Variants in RBFOX3 observed in about 807,000 individuals in gnomAD.
RBFOX3 encodes RNA binding protein fox-1 homolog 3.
RBFOX3 carries 17 observed loss-of-function variants against 48.7 expected under a neutral mutation model. The observed-to-expected ratio is 0.35, with a 90% confidence interval of 0.24 to 0.52. The LOEUF (loss-of-function observed/expected upper bound fraction) is 0.52, where lower values mean the gene tolerates loss of function less well. Ranked by LOEUF, RBFOX3 falls within the 20% of genes least tolerant of loss-of-function variation. RBFOX3 has a pLI of 0.94. For missense variants in RBFOX3, 382 were observed against 497.5 expected (o/e 0.77, Z 2.21); for synonymous variants, 212 against 209.5 (o/e 1.01, Z -0.10).
At chr17:79,567,012 ACTC>A (rs2092479148) in intron 1 of RBFOX3, among the ~76,000 whole-genome samples, 3 of 151,492 alleles carry the variant, frequency 2.0e-5, no homozygotes, top group African/African-American at 7.3e-5. Context: ...CCGAGGACTC[ACTC>A]CTCCTATCTA....
Position 79,223,990 on chromosome 17 carries a change from G to A in RBFOX3, c.-34+11776C>T, listed in dbSNP as rs373143806. Among the ~76,000 whole-genome samples the A allele has an allele frequency of 2.0e-4, 30 of 152,290 alleles. No individual in the cohort carries two copies. In the South Asian group the frequency reaches 6.2e-3, roughly 32 times the overall value. On this transcript the variant is annotated intron_variant, in intron 4 of 14. Coordinates refer to ENST00000693108, the MANE Select transcript of RBFOX3 (RefSeq NM_001350451.2). ...AGGGAGAGACAGCAGAAGGGAAGAT[G>A]GCAAGCACGATGGAAGGCAGGCTTG...
chr17:79,398,084 C>T (rs951139082), intron 2 of RBFOX3, among the ~76,000 whole-genome samples: 2 of 152,122 alleles, frequency 1.3e-5, no homozygotes, highest in Non-Finnish European at 2.9e-5. Flanking sequence ...GGCGCCTTGT[C>T]GGGGCCCCAG....
intron 4 of RBFOX3, among the ~76,000 whole-genome samples, chr17:79,174,080 G>A (rs1390845682): frequency 4.6e-5 from 7 of 152,088 alleles, no homozygotes; most frequent in South Asian, 2.1e-4. Context: ...AACGGCGAGC[G>A]TCTCAGTCCC....
chr17:79,333,977 T>A (rs2080800454), intron 2 of RBFOX3, among the ~76,000 whole-genome samples: 1 of 152,080 alleles, frequency 6.6e-6, no homozygotes, highest in African/African-American at 2.4e-5. Flanking sequence ...TCTGCCCATG[T>A]CCCCACCCCT....
intron 4 of RBFOX3, among the ~76,000 whole-genome samples, chr17:79,213,315 C>A (rs375681549): frequency 2.6e-5 from 4 of 152,286 alleles, no homozygotes; most frequent in African/African-American, 4.8e-5. Flanking sequence ...AGGGGAAGGA[C>A]GCGGCGGGGG....
intron 1 of RBFOX3, among the ~76,000 whole-genome samples, chr17:79,529,782 T>G (rs989675037): frequency 0.017 from 2,562 of 152,226 alleles, 73 homozygotes; most frequent in African/African-American, 0.06. Flanking sequence ...CCTGCCCCCG[T>G]CCCCTGAGGC....
chr17:79,184,583 C>G (rs2053012224), intron 4 of RBFOX3, among the ~76,000 whole-genome samples: 1 of 152,236 alleles, frequency 6.6e-6, no homozygotes, highest in African/African-American at 2.4e-5. Context: ...CACAGGTGAG[C>G]TTGGCTGCAA....
intron 2 of RBFOX3, among the ~76,000 whole-genome samples, chr17:79,462,289 G>A (rs1416224256): frequency 2.0e-5 from 3 of 152,198 alleles, no homozygotes; most frequent in South Asian, 4.1e-4. Flanking sequence ...TCCCAGCTCT[G>A]CCACCAAGGC....
chr17:79,486,170 G>A (rs1019448099), intron 1 of RBFOX3, among the ~76,000 whole-genome samples: 27 of 152,316 alleles, frequency 1.8e-4, no homozygotes, highest in Non-Finnish European at 2.2e-4. Flanking sequence ...CCCGCAGCCC[G>A]GCAGGGTTGG....
intron 1 of RBFOX3, among the ~76,000 whole-genome samples, chr17:79,583,475 G>C (rs1183592565): frequency 2.0e-5 from 3 of 152,174 alleles, no homozygotes; most frequent in Non-Finnish European, 4.4e-5. Flanking sequence ...GGGCATGTGG[G>C]GGTATAAGAA....
At chr17:79,148,053 C>T (rs2043424467) in intron 4 of RBFOX3, among the ~76,000 whole-genome samples, 1 of 152,228 alleles carries the variant, frequency 6.6e-6, no homozygotes, top group Non-Finnish European at 1.5e-5. Flanking sequence ...AGGCTCTGGC[C>T]TGTGACCAAG....
chr17:79,186,138 C>T (rs1461806696), intron 4 of RBFOX3, among the ~76,000 whole-genome samples: 1 of 152,230 alleles, frequency 6.6e-6, no homozygotes, highest in Non-Finnish European at 1.5e-5. Context: ...CAGCCACCTG[C>T]CTTCCAGCCT....
chr17:79,545,886 G>C (rs1434280154), intron 1 of RBFOX3, among the ~76,000 whole-genome samples: 1 of 152,200 alleles, frequency 6.6e-6, no homozygotes, highest in Non-Finnish European at 1.5e-5. Context: ...AGTTCTCATG[G>C]GGCATGGAAG....
intron 4 of RBFOX3, among the ~76,000 whole-genome samples, chr17:79,159,694 G>T (rs1305038208): frequency 6.6e-6 from 1 of 152,116 alleles, no homozygotes; most frequent in Non-Finnish European, 1.5e-5. Context: ...CGCAGCTGGG[G>T]GACACACACA....
rs889970821 is a variant in RBFOX3 at position 79,249,547 on chromosome 17, A to G, written c.-73-13742T>C. 2.0e-5 allele frequency among the ~76,000 whole-genome samples: 3 copies of G among 152,018 alleles called. No individual in the cohort carries two copies. Among genetic ancestry groups the G allele is most frequent in the East Asian group, 1.9e-4 (1 of 5,178 alleles). On this transcript the variant is annotated intron_variant, in intron 3 of 14. Transcript: ENST00000693108. The surrounding 1 kb of genome is among the most constrained non-coding windows in gnomAD (Gnocchi z 4.1). Reference sequence around the variant, plus strand: ...TCCCACACCCCAAGCCCCTGCCTCTATCGGGGTCCCATGCTCCCGGAGACT... The same window carrying G: ...TCCCACACCCCAAGCCCCTGCCTCTGTCGGGGTCCCATGCTCCCGGAGACT...
intron 1 of RBFOX3, among the ~76,000 whole-genome samples, chr17:79,581,283 CA>C (rs1410644877): frequency 6.6e-6 from 1 of 150,464 alleles, no homozygotes; most frequent in African/African-American, 2.4e-5. Flanking sequence ...ACAAACAAAC[CA>C]AAAAAAAACA....
intron 14 of RBFOX3, 127 bp from the exon 15 acceptor site, chr17:79,091,012 A>C: frequency 1.1e-6 from 1 of 905,638 alleles, no homozygotes; most frequent in Non-Finnish European, 1.7e-6. Context: ...CCTGCCCCCC[A>C]GGTTTCCAGG....
the RBFOX3 span, among the ~76,000 whole-genome samples, chr17:79,637,709 A>G: frequency 2.3e-5 from 3 of 132,904 alleles, no homozygotes; most frequent in East Asian, 2.7e-4. Flanking sequence ...AGGGAAGGGA[A>G]GGGGAGCGAA....
intron 2 of RBFOX3, among the ~76,000 whole-genome samples, chr17:79,396,394 C>T (rs2061998006): frequency 6.6e-6 from 1 of 152,168 alleles, no homozygotes; most frequent in South Asian, 2.1e-4. Flanking sequence ...CTGGCCTTGC[C>T]CTTTAAAATG....
Sources: allele counts gnomAD v4.1 joint callset (sites outside exome capture counted in the v4.1 genomes callset), GRCh38; gene constraint gnomAD v4.1.1; non-coding constraint Gnocchi (gnomAD v3.1); transcripts MANE v1.5; gene names NCBI Gene and HGNC (gene_info 2026-07-23, HGNC 2026-07-21).